RGL1: variants seen among roughly 807,000 people sequenced by gnomAD.
The protein encoded by RGL1 is ral guanine nucleotide dissociation stimulator-like 1.
RGL1 carries 24 observed loss-of-function variants against 95.2 expected under a neutral mutation model. The observed-to-expected ratio is 0.25, with a 90% CI of 0.18 to 0.35. RGL1 has a LOEUF of 0.35. RGL1 is among the 10% of genes least tolerant of loss of function. RGL1 has a pLI of 1.00. For missense variants in RGL1, 715 were observed against 936.3 expected (o/e 0.76, Z 3.08); for synonymous variants, 329 against 344.9 (o/e 0.95, Z 0.51).
intron 1 of RGL1, among the ~76,000 whole-genome samples, chr1:183,663,777 A>G (rs374972719): frequency 0.066 from 9,847 of 148,462 alleles, 645 homozygotes; most frequent in African/African-American, 0.17. Flanking sequence ...TGTTTATTGC[A>G]GCACTATTCA....
rs572818825 is a variant in RGL1, at chr1:183,679,394, C to T, written c.-33+42893C>T. On this transcript the variant is annotated intron_variant, in intron 1 of 18. Coordinates refer to the RGL1 transcript ENST00000304685. ...TAATGCTATCCCTCCCCTTGCCCCC[C>T]ACCCCCGACAGGCCCCCGTGTGTGA... is the stretch of plus-strand genomic sequence containing the variant. 3.6e-4 allele frequency among the ~76,000 whole-genome samples: 55 copies of T among 151,092 alleles called. 1 individual carries two copies. Among genetic ancestry groups the T allele is most frequent in the African/African-American group, 1.3e-3 (55 of 40,968 alleles).
intron 1 of RGL1, among the ~76,000 whole-genome samples, chr1:183,707,295 G>T (rs1558164118): frequency 6.6e-6 from 1 of 152,168 alleles, no homozygotes. Flanking sequence ...GTCATGCCAG[G>T]TTAGTTCATA....
At chr1:183,768,153 G>GAA (rs201336711) in intron 2 of RGL1, among the ~76,000 whole-genome samples, 3 of 141,220 alleles carry the variant, frequency 2.1e-5, no homozygotes, top group Admixed American at 7.1e-5. Flanking sequence ...CAGAGAAACA[G>GAA]AAAAAAAAAA....
At chr1:183,828,685 G>C (rs77311697) in intron 2 of RGL1, among the ~76,000 whole-genome samples, 291 of 152,230 alleles carry the variant, frequency 1.9e-3, no homozygotes, top group African/African-American at 6.8e-3. Flanking sequence ...TATTTAAAAG[G>C]GCTTCGAATA....
At chr1:183,659,860 C>T (rs1031408019) in intron 1 of RGL1, among the ~76,000 whole-genome samples, 7 of 150,586 alleles carry the variant, frequency 4.6e-5, no homozygotes, top group African/African-American at 1.0e-4. Context: ...GTGGATCTCT[C>T]GGCAGAAACT....
Position 183,847,573 on chromosome 1 carries a change from G to T in RGL1, c.146G>T (p.Gly49Val). ...TGTTAATTTATTATACAGGTTGAAGGGGACCAGCTGCCTCCAGGACACACA... is the reference window on the plus strand; with the variant it reads ...TGTTAATTTATTATACAGGTTGAAGTGGACCAGCTGCCTCCAGGACACACA... ...NKGARWLGVEGDQLPPGHTVS... is the reference protein window; with the variant it reads ...NKGARWLGVEVDQLPPGHTVS... Residue 49 changes from glycine (G) to valine (V), a missense_variant, in exon 3 of 18, where the codon GGG (glycine) becomes GTG (valine). This residue lies in a region of RGL1 where 381 missense variants were observed against 484.8 expected (regional missense o/e 0.79). Coordinates refer to ENST00000360851, the MANE Select transcript of RGL1 (RefSeq NM_001297671.3). 6.2e-7 allele frequency: 1 copy of T among 1,613,760 alleles called. No homozygotes were observed. Among genetic ancestry groups the T allele is most frequent in the Non-Finnish European group, 8.5e-7 (1 of 1,179,730 alleles).
intron 1 of RGL1, chr1:183,709,767 C>A: frequency 4.7e-6 from 1 of 213,150 alleles, no homozygotes; most frequent in East Asian, 1.1e-4. Context: ...TAATCAGGCC[C>A]CCTCTGTGTA....
intron 14 of RGL1, among the ~76,000 whole-genome samples, chr1:183,908,893 C>T (rs910790435): frequency 2.0e-5 from 3 of 152,220 alleles, no homozygotes; most frequent in African/African-American, 7.2e-5. Context: ...CTTCTCTGTA[C>T]TCCTCTCCAA....
At chr1:183,648,672 G>A in intron 1 of RGL1, 1 of 1,614,202 alleles carries the variant, frequency 6.2e-7, no homozygotes, top group Non-Finnish European at 8.5e-7. Flanking sequence ...TTCTTCACCT[G>A]TTCGAATATG....
At position 183,884,781 on chromosome 1, in the gene RGL1, A is replaced by T. The variant is rs1667018983; in HGVS notation, c.794A>T (p.Asp265Val). 9 of 1,614,080 alleles carry T rather than the reference A, an allele frequency of 5.6e-6. No homozygotes were observed. Among genetic ancestry groups the T allele is most frequent in the Non-Finnish European group, 5.9e-6 (7 of 1,179,960 alleles). ...CTGGGCTGCATTTGGTCTCGAAGGG[A>T]TAAGAAGGAAAACAAACATTTGGCT... ...HCLGCIWSRRDKKENKHLAPT... is the reference protein window; with the variant it reads ...HCLGCIWSRRVKKENKHLAPT... Residue 265 changes from aspartate to valine, a missense_variant, in exon 7 of 18, where the codon GAT becomes GTT. Physicochemically the swap from Asp to Val is radical, Grantham distance 152. Around this residue, in one of 3 missense-constraint regions of RGL1, gnomAD observed 381 missense variants for 484.8 expected, o/e 0.79. Transcript: ENST00000360851.
chr1:183,689,831 A>T (rs1653838429), intron 1 of RGL1, among the ~76,000 whole-genome samples: 1 of 152,142 alleles, frequency 6.6e-6, no homozygotes. Flanking sequence ...GCAATAAAAA[A>T]CATTCATTCA....
At position 183,888,469 on chromosome 1, in the gene RGL1, T is replaced by C; in HGVS notation, c.952-5T>C. ...CCTTTTATGTTTTAATCACTCCCCA[T>C]GCAGGAATGTAGACTCCTGAAGAAT... On this transcript the variant is annotated splice_polypyrimidine_tract_variant and splice_region_variant and intron_variant, in intron 7 of 17. Transcript: ENST00000360851. The C allele has an allele frequency of 6.4e-7, 1 of 1,558,716 alleles. No individual in the cohort carries two copies. The highest frequency in any genetic ancestry group is 8.9e-7 in the Non-Finnish European group (1 of 1,129,760).
At chr1:183,767,764 C>T (rs1348957184) in intron 2 of RGL1, among the ~76,000 whole-genome samples, 1 of 152,082 alleles carries the variant, frequency 6.6e-6, no homozygotes, top group Non-Finnish European at 1.5e-5. Flanking sequence ...ACCAGCCTGG[C>T]CAACATAGTG....
At chr1:183,716,068 T>C (rs1026400797) in intron 1 of RGL1, among the ~76,000 whole-genome samples, 2 of 152,218 alleles carry the variant, frequency 1.3e-5, no homozygotes, top group Non-Finnish European at 2.9e-5. Flanking sequence ...CCAATTCAAA[T>C]GTTAATCTTA....
intron 1 of RGL1, among the ~76,000 whole-genome samples, chr1:183,720,148 A>G (rs1257478987): frequency 6.6e-6 from 1 of 152,258 alleles, no homozygotes; most frequent in East Asian, 1.9e-4. Flanking sequence ...ACATAGCAGA[A>G]GGAAAATTGT....
At chr1:183,682,745 C>T (rs1197690237) in intron 1 of RGL1, among the ~76,000 whole-genome samples, 1 of 152,194 alleles carries the variant, frequency 6.6e-6, no homozygotes, top group Non-Finnish European at 1.5e-5. Flanking sequence ...TCTCATTGAT[C>T]TGTCTAAGAT....
In RGL1 at chr1:183,926,505, C is replaced by G. The variant is rs149751688; in HGVS notation, c.*213C>G. On this transcript the variant is annotated 3_prime_UTR_variant, in exon 18 of 18. Transcript: ENST00000360851. ...AAAGGATGAACGATTCACTGATTCT[C>G]TTTGACTCATTTGAGACTAAAATGC... 549 of 398,074 alleles carry G rather than the reference C, an allele frequency of 1.4e-3. 13 individuals are homozygous for G. In the East Asian group the frequency reaches 0.02, roughly 15 times the overall value. 24.7% of individuals were successfully genotyped at this position (398,074 alleles called of 1,614,324 possible).
intron 3 of RGL1, among the ~76,000 whole-genome samples, chr1:183,858,338 A>T (rs539257541): frequency 6.6e-6 from 1 of 152,212 alleles, no homozygotes; most frequent in African/African-American, 2.4e-5. Flanking sequence ...GAATGTCACA[A>T]TTTTTTTCAT....
intron 1 of RGL1, among the ~76,000 whole-genome samples, chr1:183,695,391 C>G (rs570332850): frequency 6.6e-6 from 1 of 152,308 alleles, no homozygotes; most frequent in East Asian, 1.9e-4. Flanking sequence ...ACTGTACTTG[C>G]TAGACTCGTA....
Sources: allele counts gnomAD v4.1 joint callset (sites outside exome capture counted in the v4.1 genomes callset), GRCh38; gene constraint gnomAD v4.1.1; regional missense constraint gnomAD v4.1.1; transcripts MANE v1.5; gene names NCBI Gene and HGNC (gene_info 2026-07-23, HGNC 2026-07-21).